INTS10: variants seen among roughly 807,000 people sequenced by gnomAD.
The protein encoded by INTS10 is chromosome 8 open reading frame 35.
A neutral mutation model predicts 94.4 loss-of-function variants in INTS10; 44 were observed. That is an observed-to-expected ratio of 0.47 (90% CI 0.37 to 0.60). The LOEUF (loss-of-function observed/expected upper bound fraction) is 0.60. Among genes scored for constraint, INTS10 ranks in the 20% least tolerant of loss-of-function variants. INTS10 has a pLI of 0.00. For synonymous variants in INTS10, 341 were observed against 320.7 expected (o/e 1.06, Z -0.68); for missense variants, 797 against 868.7 (o/e 0.92, Z 1.04).
chr8:19,833,359 C>T (rs375209359), intron 12 of INTS10, 38 bp downstream of exon 12: 45 of 1,448,642 alleles, frequency 3.1e-5, no homozygotes, highest in African/African-American at 2.0e-4. Context: ...CGCAGGTGCA[C>T]GGGGCCACCT....
chr8:19,821,685 A>G (rs1193810224), intron 4 of INTS10: 1 of 151,868 alleles, frequency 6.6e-6, no homozygotes, highest in African/African-American at 2.4e-5. Flanking sequence ...TTATATCTAC[A>G]AAGATACTTT....
chr8:19,823,265 C>A (rs372326265), intron 5 of INTS10, 36 bp from the exon 6 acceptor site: 243 of 1,547,686 alleles, frequency 1.6e-4, no homozygotes, highest in Middle Eastern at 3.4e-4. Flanking sequence ...GGTAGACAAC[C>A]TAATTAATTT....
At chr8:19,836,957 A>C in intron 12 of INTS10, 95 bp from the exon 13 acceptor site, 1 of 782,216 alleles carries the variant, frequency 1.3e-6, no homozygotes, top group East Asian at 2.5e-5. Flanking sequence ...CCATGTACAC[A>C]TTGCCTGATT....
Position 19,823,387 on chromosome 8 carries a change from G to C in INTS10, c.610G>C (p.Glu204Gln), listed in dbSNP as rs760148625. 3 of 1,606,640 alleles carry C rather than the reference G, an allele frequency of 1.9e-6. No homozygotes were observed. The highest frequency in any genetic ancestry group is 2.6e-6 in the Non-Finnish European group (3 of 1,173,340). The change falls in exon 6 of 17, where the codon GAA becomes CAA. Residue 204 changes from glutamate to glutamine, a missense_variant. Glu to Gln is a conservative substitution (Grantham distance 29, BLOSUM62 2). This residue lies in a region of INTS10 where 734 missense variants were observed against 787.8 expected (regional missense o/e 0.93). Transcript: ENST00000397977. ...LLYKYLNKAA[E>Q]FYINYVTRST... Reference sequence around the variant, plus strand: ...GTATAAGTACTTGAACAAAGCAGCTGAATTTTATATCAATTATGTCACTAG... The same window carrying C: ...GTATAAGTACTTGAACAAAGCAGCTCAATTTTATATCAATTATGTCACTAG...
intron 15 of INTS10, 74 bp downstream of exon 15, chr8:19,844,312 A>G (rs2068392261): frequency 3.6e-6 from 4 of 1,100,726 alleles, no homozygotes; most frequent in Non-Finnish European, 5.3e-6. Context: ...AAAAAGAATG[A>G]ACCATTCTGG....
intron 16 of INTS10, among the ~76,000 whole-genome samples, chr8:19,850,679 G>T (rs2068954612): frequency 6.6e-6 from 1 of 152,096 alleles, no homozygotes. Context: ...TAGGCATCAG[G>T]GTGGGAAACA....
intron 8 of INTS10, among the ~76,000 whole-genome samples, chr8:19,825,980 T>C (rs2066757721): frequency 6.6e-6 from 1 of 152,262 alleles, no homozygotes; most frequent in Non-Finnish European, 1.5e-5. Context: ...GTTTACCTAA[T>C]TGAGATCACA....
intron 10 of INTS10, among the ~76,000 whole-genome samples, chr8:19,831,154 G>A (rs13274950): frequency 0.14 from 21,225 of 152,030 alleles, 1,501 homozygotes; most frequent in Middle Eastern, 0.18. Flanking sequence ...TTTACTTTTA[G>A]CCCGTGGACA....
intron 15 of INTS10, among the ~76,000 whole-genome samples, chr8:19,845,166 C>T (rs985957454): frequency 1.2e-4 from 19 of 152,142 alleles, no homozygotes; most frequent in Admixed American, 1.2e-3. Flanking sequence ...ATGTCATCGA[C>T]ATATTGCATA....
In INTS10 at chr8:19,824,833, G is replaced by C; in HGVS notation, c.867G>C (p.Lys289Asn). The C allele has an allele frequency of 6.2e-7, 1 of 1,611,040 alleles. No individual in the cohort carries two copies. Among genetic ancestry groups the C allele is most frequent in the Non-Finnish European group, 8.5e-7 (1 of 1,178,014 alleles). ...RSYGDILHRM[K>N]DLCRYMNNFD... ...ATGGAGATATTTTGCATAGAATGAA[G>C]GATCTCTGCAGATACATGAACAACT... Residue 289 changes from lysine (K) to asparagine (N), a missense_variant, in exon 8 of 17, where the codon AAG (lysine) becomes AAC (asparagine). Coordinates refer to ENST00000397977, the MANE Select transcript of INTS10 (RefSeq NM_018142.4).
rs895789184 is a variant in INTS10 at position 19,833,188 on chromosome 8, T to C, written c.1397T>C (p.Ile466Thr). Residue 466 changes from isoleucine (I) to threonine (T), a missense_variant, in exon 12 of 17, where the codon ATA becomes ACA. Physicochemically the swap from Ile to Thr is moderately conservative, Grantham distance 89 (BLOSUM62 -1). Around this residue, in one of 3 missense-constraint regions of INTS10, gnomAD observed 734 missense variants for 787.8 expected, o/e 0.93. Transcript: ENST00000397977. ...IIYQGQYKKA[I>T]ASLHHLAALQ... ...TCTTAGGGTCAATATAAAAAGGCGATAGCCAGCCTGCATCACTTAGCAGCT... is the reference window on the plus strand; with the variant it reads ...TCTTAGGGTCAATATAAAAAGGCGACAGCCAGCCTGCATCACTTAGCAGCT... 48 of 1,606,170 alleles carry C rather than the reference T, an allele frequency of 3.0e-5. No individual in the cohort carries two copies. The highest frequency in any genetic ancestry group is 3.8e-5 in the Non-Finnish European group (45 of 1,177,158).
chr8:19,823,362 G>A lies in INTS10; in HGVS notation c.585G>A (p.Leu195=), dbSNP rs763393875. The change falls in exon 6 of 17, where the codon TTG becomes TTA. Residue 195 remains leucine (L), a synonymous_variant. Coordinates refer to ENST00000397977, the MANE Select transcript of INTS10 (RefSeq NM_018142.4). ...ATGTTCGATTACCTGCCAATTTATT[G>A]TATAAGTACTTGAACAAAGCAGCTG... is the stretch of plus-strand genomic sequence containing the variant. ...NHDVRLPANL[L]YKYLNKAAEF... 3 of 1,601,018 alleles carry A rather than the reference G, an allele frequency of 1.9e-6. No homozygotes were observed. The highest frequency in any genetic ancestry group is 2.6e-6 in the Non-Finnish European group (3 of 1,168,348).
chr8:19,824,066 G>A, intron 7 of INTS10, 22 bp downstream of exon 7: 1 of 1,548,980 alleles, frequency 6.5e-7, no homozygotes, highest in Non-Finnish European at 8.8e-7. Context: ...CTTATTTCCA[G>A]AATTGCCTAT....
At position 19,851,683 on chromosome 8, in the gene INTS10, G is replaced by A; in HGVS notation, c.2011G>A (p.Val671Met). ...TGTAACTCGAGGCATCACCAAAGGC[G>A]TGAAGGAGGACTTTCGCCTGGCCAT... Reference protein sequence around the residue: ...HTVTRGITKGVKEDFRLAMER... With the variant: ...HTVTRGITKGMKEDFRLAMER... Residue 671 changes from valine to methionine, a missense_variant, in exon 17 of 17, where the codon GTG becomes ATG. Around this residue, in one of 3 missense-constraint regions of INTS10, gnomAD observed 16 missense variants for 39.1 expected, o/e 0.41. Transcript: ENST00000397977. This position sits in a 1 kb window ranked among gnomAD's most constrained non-coding sequence, Gnocchi z 5.0. 1.9e-6 allele frequency: 3 copies of A among 1,614,180 alleles called. No individual in the cohort carries two copies. Among genetic ancestry groups the A allele is most frequent in the Non-Finnish European group, 2.5e-6 (3 of 1,180,020 alleles).
intron 8 of INTS10, among the ~76,000 whole-genome samples, chr8:19,825,275 C>G (rs1259884004): frequency 6.6e-6 from 1 of 152,118 alleles, no homozygotes; most frequent in Admixed American, 6.6e-5. Flanking sequence ...ACCTGTAATC[C>G]CAGCACTTTG....
In INTS10 at chr8:19,818,342, T is replaced by G. The variant is rs370947746; in HGVS notation, c.197T>G (p.Met66Arg). 6.2e-7 allele frequency: 1 copy of G among 1,613,938 alleles called. No individual in the cohort carries two copies. Among genetic ancestry groups the G allele is most frequent in the African/African-American group, 1.3e-5 (1 of 74,908 alleles). ...TATAGRLLYD[M>R]FVNFPDQPVV... ...ACCGCCGGGAGGCTGCTGTACGACA[T>G]GTGAGTGGGACGCTTGACATCACTT... Residue 66 changes from methionine (M) to arginine (R), a missense_variant and splice_region_variant, in exon 2 of 17, where the codon ATG (methionine) becomes AGG (arginine). Coordinates refer to ENST00000397977, the MANE Select transcript of INTS10 (RefSeq NM_018142.4).
At chr8:19,820,111 C>A (rs1297909329) in intron 3 of INTS10, among the ~76,000 whole-genome samples, 1 of 152,240 alleles carries the variant, frequency 6.6e-6, no homozygotes, top group African/African-American at 2.4e-5. Flanking sequence ...TCTATCTCAA[C>A]CTGCAACAGG....
intron 11 of INTS10, 71 bp downstream of exon 11, chr8:19,832,181 A>G: frequency 1.2e-6 from 1 of 844,824 alleles, no homozygotes; most frequent in Non-Finnish European, 2.1e-6. Flanking sequence ...CAGCTTTCCT[A>G]TGCAGAATGT....
At chr8:19,837,920 A>G (rs1004301574) in intron 13 of INTS10, among the ~76,000 whole-genome samples, 2 of 152,214 alleles carry the variant, frequency 1.3e-5, no homozygotes, top group Non-Finnish European at 2.9e-5. Context: ...AGGGAGTGTC[A>G]CTACAAATCC....
Sources: allele counts gnomAD v4.1 joint callset (sites outside exome capture counted in the v4.1 genomes callset), GRCh38; gene constraint gnomAD v4.1.1; regional missense constraint gnomAD v4.1.1; non-coding constraint Gnocchi (gnomAD v3.1); transcripts MANE v1.5; gene names NCBI Gene and HGNC (gene_info 2026-07-23, HGNC 2026-07-21).